The following PRR7 variants were observed in gnomAD, a reference collection of about 807,000 sequenced individuals.
PRR7 encodes proline-rich protein 7.
In PRR7, 8 loss-of-function variants were observed where a neutral mutation model predicts 18.5. That is an observed-to-expected ratio of 0.43 (90% CI 0.25 to 0.78). PRR7 has a LOEUF of 0.78. Among genes scored for constraint, PRR7 ranks in the 30% least tolerant of loss-of-function variants. The pLI, the probability that PRR7 is intolerant of heterozygous loss-of-function variation, is 0.22. For synonymous variants in PRR7, 221 were observed against 187.7 expected, an observed-to-expected ratio of 1.18 and a Z score of -1.45; for missense variants, 396 against 403.1, an observed-to-expected ratio of 0.98 and a Z score of 0.15.
chr5:177,454,858 C>T lies in PRR7; in HGVS notation c.-210C>T, dbSNP rs963089422. 1.9e-5 allele frequency: 10 copies of T among 514,534 alleles called. No homozygotes were observed. The highest frequency in any genetic ancestry group is 1.0e-4 in the African/African-American group (5 of 49,524). 31.9% of individuals were successfully genotyped at this position (514,534 alleles called of 1,614,324 possible). ...CGCGCGGCCCCGGGTGAGGCACGCCCGCGCGCCCGCCGGCGCCATGGGAAG... is the reference window on the plus strand; with the variant it reads ...CGCGCGGCCCCGGGTGAGGCACGCCTGCGCGCCCGCCGGCGCCATGGGAAG... On this transcript the variant is annotated 5_prime_UTR_variant, in exon 3 of 4. Coordinates refer to ENST00000323249, the MANE Select transcript of PRR7 (RefSeq NM_030567.5). This position sits in a 1 kb window ranked among gnomAD's most constrained non-coding sequence, Gnocchi z 4.7.
In PRR7 at chr5:177,455,673, G is replaced by A; in HGVS notation, c.428-51G>A. 5 of 1,485,598 alleles carry A rather than the reference G, an allele frequency of 3.4e-6. No homozygotes were observed. Among genetic ancestry groups the A allele is most frequent in the African/African-American group, 1.4e-5 (1 of 69,894 alleles). 92.0% of individuals were successfully genotyped at this position (1,485,598 alleles called of 1,614,324 possible). A position where few individuals can be genotyped will look rare whatever the true frequency, so the allele number is the denominator to read the frequency against. Reference sequence around the variant, plus strand: ...CGGCCCCTGGCCGGGGCCTCTGCGAGAGGCTGGGAACCGGCGGCCTCACCT... The same window carrying A: ...CGGCCCCTGGCCGGGGCCTCTGCGAAAGGCTGGGAACCGGCGGCCTCACCT... On this transcript the variant is annotated intron_variant, in intron 3 of 3. Coordinates refer to ENST00000323249, the MANE Select transcript of PRR7 (RefSeq NM_030567.5). This position sits in a 1 kb window ranked among gnomAD's most constrained non-coding sequence, Gnocchi z 6.9.
Position 177,454,997 on chromosome 5 carries a change from G to A in PRR7, c.-71G>A. ...CTGGCGGCACCTGAGAGTGTGGCGC[G>A]GGCCCGGGGCCACGCAGCGGAGCCC... On this transcript the variant is annotated 5_prime_UTR_variant, in exon 3 of 4. Transcript: ENST00000323249. The surrounding 1 kb of genome is among the most constrained non-coding windows in gnomAD (Gnocchi z 4.7). 2.9e-6 allele frequency: 4 copies of A among 1,371,370 alleles called. No individual in the cohort carries two copies. Among genetic ancestry groups the A allele is most frequent in the Non-Finnish European group, 3.8e-6 (4 of 1,062,602 alleles). 85.0% of individuals were successfully genotyped at this position (1,371,370 alleles called of 1,614,324 possible).
chr5:177,455,558 T>C lies in PRR7; in HGVS notation c.427+64T>C. On this transcript the variant is annotated intron_variant, in intron 3 of 3. Transcript: ENST00000323249. The surrounding 1 kb of genome is among the most constrained non-coding windows in gnomAD (Gnocchi z 6.9). ...CGGAAGTGGGCGGGCGTTGGAGGGCTCGCTGCTTACCCTCAGGGCTTCCAT... is the reference window on the plus strand; with the variant it reads ...CGGAAGTGGGCGGGCGTTGGAGGGCCCGCTGCTTACCCTCAGGGCTTCCAT... 7.0e-7 allele frequency: 1 copy of C among 1,427,732 alleles called. No individual in the cohort carries two copies. The highest frequency in any genetic ancestry group is 1.5e-5 in the South Asian group (1 of 67,410). 88.4% of individuals were successfully genotyped at this position (1,427,732 alleles called of 1,614,324 possible).
chr5:177,449,374 G>A lies in PRR7; in HGVS notation c.-325+2414G>A, dbSNP rs982339854. Among the ~76,000 whole-genome samples, 4 of 152,130 alleles carry A rather than the reference G, an allele frequency of 2.6e-5. No individual in the cohort carries two copies. Among genetic ancestry groups the A allele is most frequent in the East Asian group, 1.9e-4 (1 of 5,194 alleles). ...TCAGAGGGAGTTCTGTTGTCCCCTC[G>A]GCACCCTGGTCCTACTGCTGAAGAA... On this transcript the variant is annotated intron_variant, in intron 1 of 3. Transcript: ENST00000323249. This position sits in a 1 kb window ranked among gnomAD's most constrained non-coding sequence, Gnocchi z 4.2.
At chr5:177,453,822 C>A (rs565038264) in intron 1 of PRR7, 134 bp from the exon 2 acceptor site, 1 of 152,386 alleles carries the variant, frequency 6.6e-6, no homozygotes, top group East Asian at 1.9e-4. Context: ...ATTCCAGTTA[C>A]CCCAAAGGCT....
At position 177,448,970 on chromosome 5, in the gene PRR7, CA is replaced by C. The variant is rs761332877; in HGVS notation, c.-325+2011del. On this transcript the variant is annotated intron_variant, in intron 1 of 3. Transcript: ENST00000323249. ...TGGAAACCCACATGCTTCCAAGGAT[CA>C]GGGGGGAAATGGAATGAGTGAGGCG... Among the ~76,000 whole-genome samples the C allele has an allele frequency of 6.6e-5, 10 of 152,218 alleles. No individual in the cohort carries two copies. The East Asian group carries it at 7.7e-4, about 12-fold the overall frequency.
intron 1 of PRR7, among the ~76,000 whole-genome samples, chr5:177,452,883 A>G (rs761430953): frequency 9.2e-5 from 14 of 152,176 alleles, no homozygotes; most frequent in Non-Finnish European, 7.3e-5. Flanking sequence ...TCACACTGCT[A>G]TTCCACAGCA....
In PRR7 at chr5:177,450,806, G is replaced by A. The variant is rs543930605; in HGVS notation, c.-324-3150G>A. Among the ~76,000 whole-genome samples the A allele has an allele frequency of 1.1e-4, 16 of 152,298 alleles. No individual in the cohort carries two copies. In the South Asian group the frequency reaches 3.3e-3, roughly 32 times the overall value. ...CATCTGCTGGAAATTTGTTTAAAATGCAAACTCGGGCCCCATCCTAGACCT... is the reference window on the plus strand; with the variant it reads ...CATCTGCTGGAAATTTGTTTAAAATACAAACTCGGGCCCCATCCTAGACCT... On this transcript the variant is annotated intron_variant, in intron 1 of 3. Transcript: ENST00000323249. This position sits in a 1 kb window ranked among gnomAD's most constrained non-coding sequence, Gnocchi z 6.6.
At position 177,456,179 on chromosome 5, in the gene PRR7, T is replaced by C. The variant is rs1003412169; in HGVS notation, c.*58T>C. The C allele has an allele frequency of 3.0e-6, 4 of 1,346,224 alleles. No homozygotes were observed. Among genetic ancestry groups the C allele is most frequent in the Non-Finnish European group, 3.8e-6 (4 of 1,039,460 alleles). The allele number at this position is 1,346,224 out of a possible 1,614,324, so 83.4% of individuals were successfully genotyped here. A position where few individuals can be genotyped will look rare whatever the true frequency, so the allele number is the denominator to read the frequency against. The stretch of plus-strand genomic sequence containing the variant: ...GACTCCTGGCCTGACTGCGGGGCTT[T>C]TTAAATGCTTCCCTGGACTGCGGGG... On this transcript the variant is annotated 3_prime_UTR_variant, in exon 4 of 4. Coordinates refer to ENST00000323249, the MANE Select transcript of PRR7 (RefSeq NM_030567.5).
Position 177,450,029 on chromosome 5 carries a change from C to T in PRR7, c.-325+3069C>T, listed in dbSNP as rs571968711. The stretch of plus-strand genomic sequence containing the variant: ...GGACTTTGTCATCACCCGGGCTTCA[C>T]ACCACCTGGCTATGGAGACCTGAGC... On this transcript the variant is annotated intron_variant, in intron 1 of 3. Coordinates refer to ENST00000323249, the MANE Select transcript of PRR7 (RefSeq NM_030567.5). This position sits in a 1 kb window ranked among gnomAD's most constrained non-coding sequence, Gnocchi z 6.6. Among the ~76,000 whole-genome samples, 3 of 152,288 alleles carry T rather than the reference C, an allele frequency of 2.0e-5. No homozygotes were observed. In the South Asian group the frequency reaches 6.2e-4, roughly 32 times the overall value.
chr5:177,456,156 C>T lies in PRR7; in HGVS notation c.*35C>T. 7.1e-7 allele frequency: 1 copy of T among 1,412,208 alleles called. No homozygotes were observed. 87.5% of individuals were successfully genotyped at this position (1,412,208 alleles called of 1,614,324 possible). The stretch of plus-strand genomic sequence containing the variant: ...CGGCGCCCCGGGCCCCACCGGCGGA[C>T]TCCTGGCCTGACTGCGGGGCTTTTT... On this transcript the variant is annotated 3_prime_UTR_variant, in exon 4 of 4. Transcript: ENST00000323249.
intron 1 of PRR7, among the ~76,000 whole-genome samples, chr5:177,453,354 A>G (rs1452095744): frequency 6.6e-6 from 1 of 152,170 alleles, no homozygotes; most frequent in Non-Finnish European, 1.5e-5. Context: ...GACTGGCAGC[A>G]TCGTGTTTTT....
In PRR7 at chr5:177,454,314, G is replaced by A. The variant is rs1047960144; in HGVS notation, c.-240+274G>A. Among the ~76,000 whole-genome samples the A allele has an allele frequency of 6.6e-6, 1 of 152,226 alleles. No homozygotes were observed. The highest frequency in any genetic ancestry group is 1.5e-5 in the Non-Finnish European group (1 of 68,036). On this transcript the variant is annotated intron_variant, in intron 2 of 3. Transcript: ENST00000323249. This position sits in a 1 kb window ranked among gnomAD's most constrained non-coding sequence, Gnocchi z 4.7. ...CCGCCTGAGCCCCCCTACGGGAGCGGCGGGAGACCCGGAGGGCGCGGTGCG... is the reference window on the plus strand; with the variant it reads ...CCGCCTGAGCCCCCCTACGGGAGCGACGGGAGACCCGGAGGGCGCGGTGCG...
Position 177,455,756 on chromosome 5 carries a change from G to T in PRR7, c.460G>T (p.Glu154Ter). 6.2e-7 allele frequency: 1 copy of T among 1,608,054 alleles called. No homozygotes were observed. The highest frequency in any genetic ancestry group is 1.1e-5 in the South Asian group (1 of 90,578). The part of the protein sequence containing the change: ...ESDMSKPPCY[E>*]EAVLMAEPPP... ...GGACATGTCCAAACCACCGTGTTAC[G>T]AAGAGGCGGTGCTGATGGCAGAGCC... is the stretch of plus-strand genomic sequence containing the variant. Residue 154 changes from glutamate (E) to a stop codon, truncating the protein, a stop_gained, in exon 4 of 4, where the codon GAA (glutamate) becomes TAA (stop). Coordinates refer to ENST00000323249, the MANE Select transcript of PRR7 (RefSeq NM_030567.5). LOFTEE classifies it high-confidence loss of function. The surrounding 1 kb of genome is among the most constrained non-coding windows in gnomAD (Gnocchi z 6.9).
In PRR7 at chr5:177,450,469, A is replaced by C. The variant is rs1408234584; in HGVS notation, c.-324-3487A>C. ...TTTTGGTGAATGGCTGACATTTCCC[A>C]GGAATGAATTGGACACAGAGCCAGC... On this transcript the variant is annotated intron_variant, in intron 1 of 3. Transcript: ENST00000323249. This position sits in a 1 kb window ranked among gnomAD's most constrained non-coding sequence, Gnocchi z 6.6. 1.3e-5 allele frequency among the ~76,000 whole-genome samples: 2 copies of C among 152,172 alleles called. No homozygotes were observed. The highest frequency in any genetic ancestry group is 2.4e-5 in the African/African-American group (1 of 41,434).
rs1298053483 is a variant in PRR7, at chr5:177,450,201, C to T, written c.-325+3241C>T. Among the ~76,000 whole-genome samples, 1 of 152,074 alleles carries T rather than the reference C, an allele frequency of 6.6e-6. No homozygotes were observed. Among genetic ancestry groups the T allele is most frequent in the Non-Finnish European group, 1.5e-5 (1 of 67,998 alleles). On this transcript the variant is annotated intron_variant, in intron 1 of 3. Transcript: ENST00000323249. This position sits in a 1 kb window ranked among gnomAD's most constrained non-coding sequence, Gnocchi z 6.6. ...ACAGGCTGTCAGTCTGTCCTGCCCC[C>T]CAGCCCTCACCCCCTGCTCTGAGTT... is the stretch of plus-strand genomic sequence containing the variant.
Position 177,449,589 on chromosome 5 carries a change from C to T in PRR7, c.-325+2629C>T, listed in dbSNP as rs1024080146. Among the ~76,000 whole-genome samples the T allele has an allele frequency of 3.3e-5, 5 of 152,174 alleles. No homozygotes were observed. The highest frequency in any genetic ancestry group is 1.2e-4 in the African/African-American group (5 of 41,438). On this transcript the variant is annotated intron_variant, in intron 1 of 3. Transcript: ENST00000323249. The surrounding 1 kb of genome is among the most constrained non-coding windows in gnomAD (Gnocchi z 4.2). ...CAGATCATTATTTCCATGCCAGCTG[C>T]GGGGATGAAGGCACAGAGAGCCACA...
Position 177,450,341 on chromosome 5 carries a change from G to A in PRR7, c.-325+3381G>A, listed in dbSNP as rs776373717. 1.3e-5 allele frequency among the ~76,000 whole-genome samples: 2 copies of A among 152,142 alleles called. No individual in the cohort carries two copies. The highest frequency in any genetic ancestry group is 2.9e-5 in the Non-Finnish European group (2 of 68,026). On this transcript the variant is annotated intron_variant, in intron 1 of 3. Transcript: ENST00000323249. This position sits in a 1 kb window ranked among gnomAD's most constrained non-coding sequence, Gnocchi z 6.6. ...CCCCAGAGCCCTGGTGTGTGCCTCC[G>A]TACAGCCTTTTCCTTTGATTCACGT...
Position 177,455,084 on chromosome 5 carries a change from G to A in PRR7, c.17G>A (p.Gly6Asp). The A allele has an allele frequency of 6.7e-7, 1 of 1,482,114 alleles. No homozygotes were observed. Among genetic ancestry groups the A allele is most frequent in the Non-Finnish European group, 9.0e-7 (1 of 1,115,194 alleles). The allele number at this position is 1,482,114 out of a possible 1,614,324, so 91.8% of individuals were successfully genotyped here. Residue 6 changes from glycine (G) to aspartate (D), a missense_variant, in exon 3 of 4, where the codon GGC becomes GAC. Coordinates refer to ENST00000323249, the MANE Select transcript of PRR7 (RefSeq NM_030567.5). The surrounding 1 kb of genome is among the most constrained non-coding windows in gnomAD (Gnocchi z 6.9). ...GCCGCCGCCATGGTGATGTCCCAGG[G>A]CACCTACACGTTCCTCACGTGCTTC... MVMSQ[G>D]TYTFLTCFAG...
Sources: gnomAD v4.1 joint callset for allele counts (sites outside exome capture counted in the v4.1 genomes callset) on GRCh38, gnomAD v4.1.1 for gene constraint, Gnocchi (gnomAD v3.1) non-coding constraint, MANE v1.5 for transcripts, NCBI Gene and HGNC (gene_info 2026-07-23, HGNC 2026-07-21) for gene names.